DLG2: variants seen among roughly 807,000 people sequenced by gnomAD.
DLG2 encodes the protein disks large homolog 2.
Under a neutral mutation model 132.5 loss-of-function variants are expected in DLG2, and 45 were observed. The observed-to-expected ratio is 0.34, with a 90% CI of 0.27 to 0.44. The LOEUF is 0.44. DLG2 is among the 20% of genes least tolerant of loss of function. The probability of loss-of-function intolerance (pLI) is 1.00; values close to 1 mark genes in which losing one functional copy is unlikely to be tolerated. For missense variants in DLG2, 1,045 were observed against 1,196.9 expected (o/e 0.87, Z 1.87); for synonymous variants, 424 against 419.6 (o/e 1.01, Z -0.13).
Position 84,568,858 on chromosome 11 carries a change from C to T in DLG2, c.358-34127G>A, listed in dbSNP as rs192791240. On this transcript the variant is annotated intron_variant, in intron 6 of 27. Transcript: ENST00000376104. The stretch of plus-strand genomic sequence containing the variant: ...ACTCAACTCAGCCAAAAGCCTACCT[C>T]GTGGCTCCACCTGACTGGGAGGCAA... 2.4e-3 allele frequency among the ~76,000 whole-genome samples: 369 copies of T among 152,284 alleles called. 1 individual carries two copies. Among genetic ancestry groups the T allele is most frequent in the Non-Finnish European group, 4.4e-3 (299 of 68,028 alleles).
intron 7 of DLG2, among the ~76,000 whole-genome samples, chr11:84,325,534 T>A (rs2098426186): frequency 1.3e-5 from 2 of 152,226 alleles, no homozygotes; most frequent in Non-Finnish European, 2.9e-5. Context: ...TTCATTCTTT[T>A]AATGTGATTT....
chr11:85,425,857 G>A, intron 3 of DLG2, among the ~76,000 whole-genome samples: 1 of 152,192 alleles, frequency 6.6e-6, no homozygotes, highest in East Asian at 1.9e-4. Context: ...CACCCAGGAA[G>A]CGCAAGGGGT....
chr11:85,463,226 A>T (rs1207430095), intron 3 of DLG2, among the ~76,000 whole-genome samples: 1 of 152,192 alleles, frequency 6.6e-6, no homozygotes, highest in African/African-American at 2.4e-5. Flanking sequence ...TGGATACATT[A>T]TCTCTTTTAT....
At chr11:84,871,736 T>TTTAG (rs1320889530) in intron 6 of DLG2, among the ~76,000 whole-genome samples, 1 of 152,046 alleles carries the variant, frequency 6.6e-6, no homozygotes, top group Admixed American at 6.6e-5. Flanking sequence ...TATTTATTTA[T>TTTAG]TTAATGAGAC....
intron 6 of DLG2, among the ~76,000 whole-genome samples, chr11:84,659,513 G>C (rs922036294): frequency 2.0e-5 from 3 of 152,142 alleles, no homozygotes; most frequent in Admixed American, 1.3e-4. Context: ...GGGCATGACA[G>C]TGCTTTTATG....
chr11:83,466,197 G>T (rs1463191612), intron 26 of DLG2, among the ~76,000 whole-genome samples: 1 of 152,108 alleles, frequency 6.6e-6, no homozygotes, highest in African/African-American at 2.4e-5. Context: ...TTCTATTAGA[G>T]AACCAAGGAA....
intron 5 of DLG2, among the ~76,000 whole-genome samples, chr11:85,134,192 T>C (rs1382066875): frequency 1.3e-5 from 2 of 151,346 alleles, no homozygotes; most frequent in African/African-American, 4.8e-5. Flanking sequence ...TAGGGACCCA[T>C]ACACTTTATC....
chr11:84,655,564 G>C (rs1490456415), intron 6 of DLG2, among the ~76,000 whole-genome samples: 1 of 152,096 alleles, frequency 6.6e-6, no homozygotes, highest in African/African-American at 2.4e-5. Flanking sequence ...CCCAGATCTG[G>C]AGAGATGGAG....
At chr11:84,389,819 C>T (rs1044852975) in intron 7 of DLG2, among the ~76,000 whole-genome samples, 6 of 152,146 alleles carry the variant, frequency 3.9e-5, no homozygotes, top group Non-Finnish European at 7.4e-5. Context: ...GCAGGAACAT[C>T]AAACTCAACT....
intron 6 of DLG2, among the ~76,000 whole-genome samples, chr11:84,696,264 C>T (rs978422931): frequency 6.6e-6 from 1 of 151,490 alleles, no homozygotes; most frequent in African/African-American, 2.4e-5. Context: ...TACTATTTGC[C>T]ATGCACTGTG....
At chr11:84,923,290 G>A in intron 6 of DLG2, 1 of 1,445,826 alleles carries the variant, frequency 6.9e-7, no homozygotes, top group Non-Finnish European at 9.1e-7. Context: ...TGAAGGCACT[G>A]AGTGAGAGCT....
At chr11:83,883,204 A>G (rs1030722377) in intron 15 of DLG2, among the ~76,000 whole-genome samples, 2 of 151,996 alleles carry the variant, frequency 1.3e-5, no homozygotes, top group African/African-American at 4.8e-5. Flanking sequence ...TTTTTTTTAT[A>G]TGTGAGGGTC....
chr11:84,744,028 A>G (rs2065038793), intron 6 of DLG2, among the ~76,000 whole-genome samples: 2 of 152,144 alleles, frequency 1.3e-5, no homozygotes, highest in African/African-American at 4.8e-5. Context: ...CCGGCCGGAA[A>G]CAGAAGTTTC....
chr11:84,007,794 T>C (rs2094646350), intron 11 of DLG2, among the ~76,000 whole-genome samples: 1 of 151,690 alleles, frequency 6.6e-6, no homozygotes, highest in African/African-American at 2.4e-5. Flanking sequence ...GTTGTTTAGC[T>C]TCTCTGAGAA....
chr11:85,334,023 T>C (rs994362978), intron 3 of DLG2, among the ~76,000 whole-genome samples: 2 of 152,184 alleles, frequency 1.3e-5, no homozygotes, highest in South Asian at 2.1e-4. Context: ...CTCTGCTTTA[T>C]ACATCTGGTA....
chr11:83,790,630 T>C (rs1447914755), intron 17 of DLG2: 2 of 1,278,500 alleles, frequency 1.6e-6, no homozygotes, highest in African/African-American at 1.5e-5. Flanking sequence ...TTATTTTGCA[T>C]TGGAGGTAGC....
At chr11:85,114,440 C>A (rs1328442326) in intron 5 of DLG2, among the ~76,000 whole-genome samples, 1 of 152,086 alleles carries the variant, frequency 6.6e-6, no homozygotes, top group Non-Finnish European at 1.5e-5. Flanking sequence ...AAAGGTAAAG[C>A]TTTCCCACCT....
chr11:84,641,454 G>A (rs1364309326), intron 6 of DLG2, among the ~76,000 whole-genome samples: 1 of 152,132 alleles, frequency 6.6e-6, no homozygotes, highest in Non-Finnish European at 1.5e-5. Context: ...GCTTCTCAAA[G>A]ATTCCCCTTC....
chr11:85,037,267 T>C (rs1195467565), intron 6 of DLG2, among the ~76,000 whole-genome samples: 1 of 152,098 alleles, frequency 6.6e-6, no homozygotes, highest in Non-Finnish European at 1.5e-5. Flanking sequence ...TGGTGGAAAA[T>C]GTATAGGCTT....
Sources: gnomAD v4.1 joint callset for allele counts (sites outside exome capture counted in the v4.1 genomes callset) on GRCh38, gnomAD v4.1.1 for gene constraint, MANE v1.5 for transcripts, NCBI Gene and HGNC (gene_info 2026-07-23, HGNC 2026-07-21) for gene names.